Variants in OR3A2 observed in about 807,000 individuals in gnomAD.
OR3A2 encodes olfactory receptor family 3 subfamily A member 2, also known as olfactory receptor 3A2.
For missense variants in OR3A2, 318 were observed against 392.8 expected (o/e 0.81, Z 1.61); for synonymous variants, 126 against 159.3 (o/e 0.79, Z 1.57).
chr17:3,340,715 T>A (rs1348770240), intron 2 of OR3A2, among the ~76,000 whole-genome samples: 1 of 147,868 alleles, frequency 6.8e-6, no homozygotes, highest in East Asian at 2.0e-4. Flanking sequence ...AAGTGCAATG[T>A]GGTGCTGAGA....
intron 3 of OR3A2, among the ~76,000 whole-genome samples, chr17:3,303,264 T>A (rs1360072251): frequency 6.6e-6 from 1 of 152,166 alleles, no homozygotes; most frequent in African/African-American, 2.4e-5. Flanking sequence ...TTTTAGGAGG[T>A]AAATATTTCT....
At chr17:3,334,591 C>T (rs1012394162) in intron 3 of OR3A2, among the ~76,000 whole-genome samples, 1 of 152,152 alleles carries the variant, frequency 6.6e-6, no homozygotes, top group African/African-American at 2.4e-5. Context: ...TTTTTGACTG[C>T]TCTCACATGT....
At chr17:3,292,138 C>A in intron 3 of OR3A2, 1 of 1,614,128 alleles carries the variant, frequency 6.2e-7, no homozygotes, top group Non-Finnish European at 8.5e-7. Context: ...CAGGACGCAG[C>A]CACCAACATC....
upstream of OR3A2, among the ~76,000 whole-genome samples, chr17:3,288,246 C>CAAAAAAAAAAAAAAAAAAAAGAAA: frequency 1.4e-4 from 10 of 73,482 alleles, no homozygotes; most frequent in African/African-American, 1.8e-4. Context: ...ACCAAAAGGG[C>CAAAAAAAAAAAAAAAAAAAAGAAA]AAAAAAAAAA....
At chr17:3,328,120 G>A (rs1362896524) in intron 3 of OR3A2, among the ~76,000 whole-genome samples, 6 of 144,742 alleles carry the variant, frequency 4.1e-5, no homozygotes, top group East Asian at 2.0e-4. Context: ...TGATGGGGAT[G>A]GCATTGAATC....
intron 2 of OR3A2, among the ~76,000 whole-genome samples, chr17:3,343,660 G>A (rs2049339363): frequency 1.4e-4 from 21 of 152,048 alleles, no homozygotes; most frequent in Admixed American, 1.4e-3. Flanking sequence ...TGGGAAGTGG[G>A]GAAAAGAACA....
Position 3,311,273 on chromosome 17 carries a change from C to A in OR3A2, c.-85+24760G>T, listed in dbSNP as rs1209459572. The A allele has an allele frequency of 1.9e-6, 1 of 535,366 alleles. No homozygotes were observed. The highest frequency in any genetic ancestry group is 1.4e-5 in the South Asian group (1 of 71,606). The allele number at this position is 535,366 out of a possible 1,614,324, so 33.2% of individuals were successfully genotyped here. A position where few individuals can be genotyped will look rare whatever the true frequency, so the allele number is the denominator to read the frequency against. The stretch of plus-strand genomic sequence containing the variant: ...CTCCAGGCCCACCAGTGCAGAGTTC[C>A]CTATGCTGCCTGCAGTTCACAGCTC... On this transcript the variant is annotated intron_variant, in intron 3 of 4. Transcript: ENST00000573491. This position sits in a 1 kb window ranked among gnomAD's most constrained non-coding sequence, Gnocchi z 4.6.
intron 2 of OR3A2, among the ~76,000 whole-genome samples, chr17:3,342,180 G>A (rs561610543): frequency 6.6e-6 from 1 of 152,134 alleles, no homozygotes; most frequent in African/African-American, 2.4e-5. Flanking sequence ...CTTTTTTCAA[G>A]GTTTTTAGCT....
intron 3 of OR3A2, chr17:3,290,900 T>C (rs569657323): frequency 1.2e-4 from 18 of 152,348 alleles, no homozygotes; most frequent in African/African-American, 4.1e-4. Context: ...TTATAAATTC[T>C]TATCTTTTCA....
chr17:3,338,456 T>A (rs918746754), intron 2 of OR3A2, among the ~76,000 whole-genome samples: 1 of 152,138 alleles, frequency 6.6e-6, no homozygotes, highest in African/African-American at 2.4e-5. Flanking sequence ...GTATAAAGTG[T>A]AAGGAAGGGA....
intron 3 of OR3A2, chr17:3,291,479 C>G (rs1042152545): frequency 3.3e-6 from 2 of 600,584 alleles, no homozygotes; most frequent in Non-Finnish European, 5.7e-6. Flanking sequence ...TTGGACAGGG[C>G]TGCTTTCAGA....
In OR3A2 at chr17:3,311,734, G is replaced by T; in HGVS notation, c.-85+24299C>A. 1 of 270,616 alleles carries T rather than the reference G, an allele frequency of 3.7e-6. No individual in the cohort carries two copies. 16.8% of individuals were successfully genotyped at this position (270,616 alleles called of 1,614,324 possible). ...CTCCACATGTGGCTCCCACCTCACT[G>T]TGGTCTGAATCTTTTATGGAACTGG... On this transcript the variant is annotated intron_variant, in intron 3 of 4. Coordinates refer to the OR3A2 transcript ENST00000573491. This position sits in a 1 kb window ranked among gnomAD's most constrained non-coding sequence, Gnocchi z 4.6.
At chr17:3,338,510 A>G (rs1258919271) in intron 2 of OR3A2, among the ~76,000 whole-genome samples, 2 of 152,148 alleles carry the variant, frequency 1.3e-5, no homozygotes, top group Non-Finnish European at 2.9e-5. Context: ...TTTTCTCAGC[A>G]CCATTTATTA....
At chr17:3,334,346 G>C (rs922781025) in intron 3 of OR3A2, among the ~76,000 whole-genome samples, 3 of 151,898 alleles carry the variant, frequency 2.0e-5, no homozygotes, top group African/African-American at 4.8e-5. Context: ...TTCTACTATC[G>C]TCATGAAAAA....
chr17:3,353,614 T>C (rs971683278), intron 2 of OR3A2, among the ~76,000 whole-genome samples: 10 of 152,078 alleles, frequency 6.6e-5, no homozygotes, highest in Middle Eastern at 3.4e-3. Flanking sequence ...TCAGCATCAA[T>C]TGAACTGTTC....
intron 2 of OR3A2, among the ~76,000 whole-genome samples, chr17:3,336,943 C>T (rs1053358688): frequency 9.2e-5 from 14 of 152,178 alleles, no homozygotes; most frequent in African/African-American, 3.1e-4. Context: ...ACCCCTTTGA[C>T]TGTGTTCTCC....
chr17:3,354,555 C>T (rs755069344), intron 2 of OR3A2, among the ~76,000 whole-genome samples: 1 of 151,376 alleles, frequency 6.6e-6, no homozygotes, highest in East Asian at 1.9e-4. Context: ...CATATGGTTG[C>T]TAATAGTAGT....
At chr17:3,278,174 G>A (rs1336091274) in exon 2 of OR3A2, 35 of 1,614,124 alleles carry the variant, frequency 2.2e-5, no homozygotes, top group Non-Finnish European at 2.9e-5. Context: ...AAACCACGGT[G>A]AGGTGGGAGC....
chr17:3,296,907 C>T (rs1350414356), intron 3 of OR3A2, among the ~76,000 whole-genome samples: 2 of 152,180 alleles, frequency 1.3e-5, no homozygotes, highest in Non-Finnish European at 2.9e-5. Flanking sequence ...CTTGACTGTA[C>T]TGGGATATTG....
Sources: gnomAD v4.1 joint callset for allele counts (sites outside exome capture counted in the v4.1 genomes callset) on GRCh38, gnomAD v4.1.1 for gene constraint, Gnocchi (gnomAD v3.1) non-coding constraint, MANE v1.5 for transcripts, NCBI Gene and HGNC (gene_info 2026-07-23, HGNC 2026-07-21) for gene names.